Variants in ASH1L observed in about 807,000 individuals in gnomAD.
ASH1L encodes the protein ASH1 like histone lysine methyltransferase.
A neutral mutation model predicts 269.0 loss-of-function variants in ASH1L; 23 were observed. That is an observed-to-expected ratio of 0.09 (90% confidence interval 0.06 to 0.12). ASH1L has a LOEUF of 0.12. Among genes scored for constraint, ASH1L ranks in the 10% least tolerant of loss-of-function variants. The pLI is 1.00. For missense variants in ASH1L, 2,912 were observed against 3,567.8 expected, an observed-to-expected ratio of 0.82 and a Z score of 4.68; for synonymous variants, 1,187 against 1,253.5, an observed-to-expected ratio of 0.95 and a Z score of 1.12.
intron 6 of ASH1L, among the ~76,000 whole-genome samples, chr1:155,408,753 C>T (rs1350727733): frequency 2.0e-5 from 3 of 151,952 alleles, no homozygotes; most frequent in Non-Finnish European, 4.4e-5. Context: ...AGCATGATAG[C>T]TTATGCCTCC....
chr1:155,477,621 A>G (rs966993504), intron 3 of ASH1L, among the ~76,000 whole-genome samples: 12 of 152,280 alleles, frequency 7.9e-5, no homozygotes, highest in Middle Eastern at 6.8e-3. Context: ...CATAAAAAAG[A>G]TGAATGATTT....
Position 155,337,572 on chromosome 1 carries a change from C to T in ASH1L, c.*88G>A. On this transcript the variant is annotated 3_prime_UTR_variant, in exon 28 of 28. Transcript: ENST00000392403. Reference sequence around the variant, plus strand: ...ATTCCCCTTGCCCAGATGGACCCTTCCCACCCCTGTCTATACCCAGAGAGC... The same window carrying T: ...ATTCCCCTTGCCCAGATGGACCCTTTCCACCCCTGTCTATACCCAGAGAGC... The T allele has an allele frequency of 2.6e-6, 3 of 1,138,500 alleles. No individual in the cohort carries two copies. The highest frequency in any genetic ancestry group is 4.0e-6 in the Non-Finnish European group (3 of 755,678). 70.5% of individuals were successfully genotyped at this position (1,138,500 alleles called of 1,614,324 possible).
At chr1:155,401,328 A>C (rs145330152) in intron 6 of ASH1L, among the ~76,000 whole-genome samples, 1,556 of 151,940 alleles carry the variant, frequency 0.01, 22 homozygotes, top group Non-Finnish European at 0.013. Context: ...AATACAAAAA[A>C]TTAGCCAGGC....
chr1:155,476,228 T>C (rs114077242), intron 3 of ASH1L, among the ~76,000 whole-genome samples: 3,107 of 151,630 alleles, frequency 0.02, 104 homozygotes, highest in African/African-American at 0.072. Context: ...CTACTAGAAA[T>C]ATAAAAAACT....
At chr1:155,472,246 C>T (rs529805072) in intron 3 of ASH1L, among the ~76,000 whole-genome samples, 6 of 152,128 alleles carry the variant, frequency 3.9e-5, no homozygotes, top group East Asian at 1.9e-4. Context: ...GCCTAGATTA[C>T]GCCACTGAAC....
rs1174696194 is a variant in ASH1L at position 155,562,497 on chromosome 1, G to A, written c.-444C>T. The A allele has an allele frequency of 6.0e-6, 9 of 1,490,720 alleles. No individual in the cohort carries two copies. Among genetic ancestry groups the A allele is most frequent in the Non-Finnish European group, 5.4e-6 (6 of 1,104,630 alleles). The allele number at this position is 1,490,720 out of a possible 1,614,324, so 92.3% of individuals were successfully genotyped here. A position where few individuals can be genotyped will look rare whatever the true frequency, so the allele number is the denominator to read the frequency against. ...GGCAGCTCCTCCAGAGGGAGGGAGC[G>A]AAGGGCGCCTAGCGCCCCCCTCAAC... On this transcript the variant is annotated 5_prime_UTR_variant, in exon 1 of 28. Coordinates refer to ENST00000392403, the MANE Select transcript of ASH1L (RefSeq NM_018489.3).
chr1:155,345,757 TAG>T (rs1653246323), intron 21 of ASH1L, among the ~76,000 whole-genome samples: 1 of 150,812 alleles, frequency 6.6e-6, no homozygotes. Flanking sequence ...GAATTTTTAG[TAG>T]AGACAGGGTT....
intron 4 of ASH1L, among the ~76,000 whole-genome samples, chr1:155,449,818 C>T (rs963654006): frequency 1.3e-5 from 2 of 152,022 alleles, no homozygotes; most frequent in Admixed American, 6.6e-5. Flanking sequence ...TGCGCCCAGC[C>T]GAGAAAAATG....
At chr1:155,466,405 C>G (rs1664705325) in intron 3 of ASH1L, among the ~76,000 whole-genome samples, 1 of 152,060 alleles carries the variant, frequency 6.6e-6, no homozygotes, top group South Asian at 2.1e-4. Flanking sequence ...TTTTCTCTAA[C>G]TAGGCTATTT....
At position 155,343,863 on chromosome 1, in the gene ASH1L, A is replaced by T; in HGVS notation, c.7982-121T>A. The T allele has an allele frequency of 8.7e-7, 1 of 1,154,842 alleles. No individual in the cohort carries two copies. The highest frequency in any genetic ancestry group is 1.6e-5 in the South Asian group (1 of 62,156). 71.5% of individuals were successfully genotyped at this position (1,154,842 alleles called of 1,614,324 possible). A position where few individuals can be genotyped will look rare whatever the true frequency, so the allele number is the denominator to read the frequency against. Reference sequence around the variant, plus strand: ...ATAATCTGAAACAGTATAAATACAGAGAGCTAAAAGCAGCAGTGTTAAGTG... The same window carrying T: ...ATAATCTGAAACAGTATAAATACAGTGAGCTAAAAGCAGCAGTGTTAAGTG... On this transcript the variant is annotated intron_variant, in intron 22 of 27. Transcript: ENST00000392403. The surrounding 1 kb of genome is among the most constrained non-coding windows in gnomAD (Gnocchi z 6.1).
intron 3 of ASH1L, among the ~76,000 whole-genome samples, chr1:155,464,610 C>T (rs1339040913): frequency 2.0e-5 from 3 of 151,498 alleles, no homozygotes; most frequent in Non-Finnish European, 4.4e-5. Context: ...GAAATAAAGG[C>T]CCTCATGTAA....
In ASH1L at chr1:155,438,311, T is replaced by C; in HGVS notation, c.5828+16A>G. 6.5e-7 allele frequency: 1 copy of C among 1,529,452 alleles called. No individual in the cohort carries two copies. The highest frequency in any genetic ancestry group is 8.7e-7 in the Non-Finnish European group (1 of 1,143,654). 94.7% of individuals were successfully genotyped at this position (1,529,452 alleles called of 1,614,324 possible). A position where few individuals can be genotyped will look rare whatever the true frequency, so the allele number is the denominator to read the frequency against. ...TAGTTTCCTCTACTCAGATAATATG[T>C]TAAATGAGGAATTACCTTTTATTAT... On this transcript the variant is annotated intron_variant, in intron 5 of 27. Coordinates refer to ENST00000392403, the MANE Select transcript of ASH1L (RefSeq NM_018489.3).
intron 5 of ASH1L, among the ~76,000 whole-genome samples, chr1:155,420,438 C>A (rs1204606349): frequency 4.8e-5 from 7 of 146,826 alleles, no homozygotes; most frequent in African/African-American, 1.5e-4. Context: ...CAAAATAATA[C>A]AGAAATATAA....
chr1:155,482,242 G>C lies in ASH1L; in HGVS notation c.628C>G (p.Leu210Val). Reference sequence around the variant, plus strand: ...TCTGTTACACTAGTTCCTCCATTAAGTAATGCTCTGTCCTTTAAATCAGGA... The same window carrying C: ...TCTGTTACACTAGTTCCTCCATTAACTAATGCTCTGTCCTTTAAATCAGGA... Reference protein sequence around the residue: ...RDPDLKDRALLNGGTSVTEKL... With the variant: ...RDPDLKDRALVNGGTSVTEKL... Residue 210 changes from leucine (L) to valine (V), a missense_variant, in exon 3 of 28, where the codon CTT becomes GTT. This residue lies in a region of ASH1L where 277 missense variants were observed against 367.7 expected (regional missense o/e 0.75). Coordinates refer to ENST00000392403, the MANE Select transcript of ASH1L (RefSeq NM_018489.3). The C allele has an allele frequency of 6.2e-7, 1 of 1,614,172 alleles. No homozygotes were observed. The highest frequency in any genetic ancestry group is 8.5e-7 in the Non-Finnish European group (1 of 1,180,026).
chr1:155,452,684 A>G (rs1361017804), intron 4 of ASH1L, among the ~76,000 whole-genome samples: 3 of 151,442 alleles, frequency 2.0e-5, no homozygotes, highest in East Asian at 2.0e-4. Flanking sequence ...CCTCCCAAGT[A>G]GCTGGGACTA....
chr1:155,550,998 T>C (rs532270026), intron 1 of ASH1L, among the ~76,000 whole-genome samples: 2 of 152,004 alleles, frequency 1.3e-5, no homozygotes, highest in Non-Finnish European at 2.9e-5. Context: ...ATTTTTAAAA[T>C]TTTTTTAGAG....
Position 155,552,025 on chromosome 1 carries a change from A to G in ASH1L, c.-100+10128T>C, listed in dbSNP as rs1671253552. On this transcript the variant is annotated intron_variant, in intron 1 of 27. Transcript: ENST00000392403. ...AACAACACGTAATATACTGGCTAAC[A>G]GTATGTTATATCAGTACTAAAAGAT... Among the ~76,000 whole-genome samples the G allele has an allele frequency of 3.3e-5, 5 of 152,164 alleles. No individual in the cohort carries two copies. In the South Asian group the frequency reaches 6.2e-4, roughly 19 times the overall value.
intron 6 of ASH1L, among the ~76,000 whole-genome samples, chr1:155,405,853 A>G (rs549193325): frequency 6.6e-6 from 1 of 151,652 alleles, no homozygotes; most frequent in African/African-American, 2.4e-5. Flanking sequence ...AAAAAGTCAA[A>G]ATAAATGGAA....
At chr1:155,553,271 G>T (rs1671339159) in intron 1 of ASH1L, among the ~76,000 whole-genome samples, 1 of 152,190 alleles carries the variant, frequency 6.6e-6, no homozygotes, top group Non-Finnish European at 1.5e-5. Flanking sequence ...CTAGAATGCT[G>T]AGTGGGTTAC....
Sources: allele counts gnomAD v4.1 joint callset (sites outside exome capture counted in the v4.1 genomes callset), GRCh38; gene constraint gnomAD v4.1.1; regional missense constraint gnomAD v4.1.1; non-coding constraint Gnocchi (gnomAD v3.1); transcripts MANE v1.5; gene names NCBI Gene and HGNC (gene_info 2026-07-23, HGNC 2026-07-21).